The following GOLGA1 variants were observed in gnomAD, a reference collection of about 807,000 sequenced individuals.
GOLGA1 encodes the protein golgin A1.
Under a neutral mutation model 119.7 loss-of-function variants are expected in GOLGA1, and 63 were observed. That is an observed-to-expected ratio of 0.53 (90% confidence interval 0.43 to 0.65). The LOEUF (loss-of-function observed/expected upper bound fraction) is 0.65. Ranked by LOEUF, GOLGA1 falls within the 30% of genes least tolerant of loss-of-function variation. The probability of loss-of-function intolerance (pLI) is 0.00; values close to 1 mark genes in which losing one functional copy is unlikely to be tolerated. For missense variants in GOLGA1, 798 were observed against 912.8 expected, an observed-to-expected ratio of 0.87 and a Z score of 1.62; for synonymous variants, 318 against 333.4, an observed-to-expected ratio of 0.95 and a Z score of 0.50.
At position 124,924,246 on chromosome 9, in the gene GOLGA1, C is replaced by T. The variant is rs901809677; in HGVS notation, c.433-1023G>A. On this transcript the variant is annotated intron_variant, in intron 7 of 22. Transcript: ENST00000373555. ...TTGAATGCCTGAAAAAAATTAAATG[C>T]ACGTAGATTAAAAGTAGAACTGATT... 7.2e-5 allele frequency among the ~76,000 whole-genome samples: 11 copies of T among 151,934 alleles called. No individual in the cohort carries two copies. The South Asian group carries it at 2.3e-3, about 32-fold the overall frequency.
intron 12 of GOLGA1, 123 bp downstream of exon 12, chr9:124,908,254 A>G: frequency 1.5e-6 from 1 of 685,718 alleles, no homozygotes; most frequent in Non-Finnish European, 2.7e-6. Flanking sequence ...CTGTATAGGT[A>G]AGATCCAAAA....
At chr9:124,933,540 G>T (rs968775887) in intron 3 of GOLGA1, among the ~76,000 whole-genome samples, 3 of 152,046 alleles carry the variant, frequency 2.0e-5, no homozygotes, top group African/African-American at 7.2e-5. Flanking sequence ...CCTGCCTCCT[G>T]AGTAGCTGGG....
chr9:124,916,128 A>AATAAATAC (rs1315476777), intron 10 of GOLGA1, among the ~76,000 whole-genome samples: 9 of 151,032 alleles, frequency 6.0e-5, no homozygotes, highest in Admixed American at 5.3e-4. Context: ...TAAATAAATA[A>AATAAATAC]ATACATAAAT....
At chr9:124,935,127 A>G (rs1015623634) in intron 3 of GOLGA1, among the ~76,000 whole-genome samples, 3 of 152,210 alleles carry the variant, frequency 2.0e-5, no homozygotes, top group African/African-American at 4.8e-5. Flanking sequence ...GCAGCTTGAA[A>G]TCAAATGATA....
intron 6 of GOLGA1, 127 bp from the exon 7 acceptor site, chr9:124,926,868 T>TA (rs890576156): frequency 3.2e-4 from 179 of 561,576 alleles, no homozygotes; most frequent in Middle Eastern, 2.2e-3. Flanking sequence ...AAAAGCCAAT[T>TA]AAAAAAAAAT....
At chr9:124,922,310 T>C (rs1263103413) in intron 8 of GOLGA1, among the ~76,000 whole-genome samples, 1 of 151,882 alleles carries the variant, frequency 6.6e-6, no homozygotes, top group Non-Finnish European at 1.5e-5. Context: ...CCCACCATTT[T>C]GGGAGGTTGA....
intron 7 of GOLGA1, among the ~76,000 whole-genome samples, chr9:124,926,335 A>G (rs3780598): frequency 0.15 from 22,583 of 152,158 alleles, 1,841 homozygotes; most frequent in Admixed American, 0.23. Flanking sequence ...CACATGGAGA[A>G]AGGTGGGGGA....
At chr9:124,914,532 C>A (rs929919389) in intron 10 of GOLGA1, among the ~76,000 whole-genome samples, 1 of 152,014 alleles carries the variant, frequency 6.6e-6, no homozygotes, top group Non-Finnish European at 1.5e-5. Flanking sequence ...AAAAGAGTAA[C>A]TGTTGATGTA....
chr9:124,939,963 A>G (rs1386932740), intron 2 of GOLGA1, 143 bp downstream of exon 2: 4 of 152,124 alleles, frequency 2.6e-5, no homozygotes, highest in Non-Finnish European at 5.9e-5. Context: ...TCTGGTTCCA[A>G]CCTTAACTTT....
At chr9:124,916,826 T>C (rs1209229491) in intron 10 of GOLGA1, among the ~76,000 whole-genome samples, 1 of 131,436 alleles carries the variant, frequency 7.6e-6, no homozygotes, top group African/African-American at 3.0e-5. Context: ...CAGTGAGCCA[T>C]GATTGCACCA....
At chr9:124,887,729 GA>G (rs1829756153) in intron 19 of GOLGA1, among the ~76,000 whole-genome samples, 1 of 152,160 alleles carries the variant, frequency 6.6e-6, no homozygotes, top group African/African-American at 2.4e-5. Flanking sequence ...AGGATTAAAT[GA>G]GATCCTGCAT....
rs1440857256 is a variant in GOLGA1, at chr9:124,900,562, G to A, written c.1066-15C>T. 3 of 1,316,860 alleles carry A rather than the reference G, an allele frequency of 2.3e-6. No homozygotes were observed. The highest frequency in any genetic ancestry group is 3.3e-6 in the Non-Finnish European group (3 of 915,832). The allele number at this position is 1,316,860 out of a possible 1,614,324, so 81.6% of individuals were successfully genotyped here. On this transcript the variant is annotated splice_polypyrimidine_tract_variant and intron_variant, in intron 12 of 22. Coordinates refer to ENST00000373555, the MANE Select transcript of GOLGA1 (RefSeq NM_002077.4). ...AGTTCTCTCACCTGAGAGGGAAGCA[G>A]AAGCATTCTTTCTGTTCACAAGAAG...
At chr9:124,898,679 T>G (rs769917717) in intron 14 of GOLGA1, 35 bp from the exon 15 acceptor site, 2 of 1,214,478 alleles carry the variant, frequency 1.6e-6, no homozygotes, top group East Asian at 2.3e-5. Flanking sequence ...AAAAGAAGTC[T>G]TCACTACCAT....
chr9:124,920,855 G>GAAAAA (rs58458904), intron 10 of GOLGA1, among the ~76,000 whole-genome samples: 1 of 110,906 alleles, frequency 9.0e-6, no homozygotes, highest in African/African-American at 3.7e-5. Context: ...CAAAAAAAAA[G>GAAAAA]AAAAAAAAAA....
At chr9:124,902,993 A>G (rs1474077044) in intron 12 of GOLGA1, among the ~76,000 whole-genome samples, 1 of 152,240 alleles carries the variant, frequency 6.6e-6, no homozygotes, top group Non-Finnish European at 1.5e-5. Flanking sequence ...CTAAGTCTCA[A>G]TTTAGAAGCC....
chr9:124,921,386 G>A (rs991213694), intron 9 of GOLGA1, 146 bp from the exon 10 acceptor site: 6 of 639,918 alleles, frequency 9.4e-6, no homozygotes, highest in Admixed American at 2.8e-5. Context: ...AAAAAGCCTC[G>A]GCTCTCTCTG....
chr9:124,890,466 G>T lies in GOLGA1; in HGVS notation c.1420C>A (p.Gln474Lys). ...ELKKLKEEWS[Q>K]REIVSVAMAQ... is the part of the protein sequence containing the mutation. ...ATGGCCACGCTCACAATTTCTCTTT[G>T]GCTCCATTCTTCCTACAATGCAGAA... Residue 474 changes from glutamine (Q) to lysine (K), a missense_variant, in exon 16 of 23, where the codon CAA (glutamine) becomes AAA (lysine). By Grantham distance (53) the Gln-to-Lys change is moderately conservative (BLOSUM62 1). Coordinates refer to ENST00000373555, the MANE Select transcript of GOLGA1 (RefSeq NM_002077.4). The T allele has an allele frequency of 6.2e-7, 1 of 1,612,926 alleles. No individual in the cohort carries two copies.
chr9:124,926,731 T>G lies in GOLGA1; in HGVS notation c.410A>C (p.Glu137Ala), dbSNP rs140321607. 1.3e-6 allele frequency: 2 copies of G among 1,575,712 alleles called. No homozygotes were observed. The highest frequency in any genetic ancestry group is 2.7e-5 in the African/African-American group (2 of 73,816). ...AACCTTTTCAAGCTGATCCATCTTT[T>G]CTGACCATTCCTAAAACAAAACAAT... The part of the protein sequence containing the change: ...ALARKDQEWS[E>A]KMDQLEKEKN... Residue 137 changes from glutamate (E) to alanine (A), a missense_variant, in exon 7 of 23, where the codon GAA (glutamate) becomes GCA (alanine). Physicochemically the swap from Glu to Ala is moderately radical, Grantham distance 107 (BLOSUM62 -1). Coordinates refer to ENST00000373555, the MANE Select transcript of GOLGA1 (RefSeq NM_002077.4).
chr9:124,942,691 T>G (rs1254374708), upstream of GOLGA1: 1 of 152,142 alleles, frequency 6.6e-6, no homozygotes, highest in African/African-American at 2.4e-5. Context: ...TGTACAAGAG[T>G]TCACACCTGA....
Sources: allele counts gnomAD v4.1 joint callset (sites outside exome capture counted in the v4.1 genomes callset), GRCh38; gene constraint gnomAD v4.1.1; transcripts MANE v1.5; gene names NCBI Gene and HGNC (gene_info 2026-07-23, HGNC 2026-07-21).